The following INTS3 variants were observed in gnomAD, a reference collection of about 807,000 sequenced individuals.
INTS3 encodes the protein SOSS complex subunit A.
Under a neutral mutation model 146.3 loss-of-function variants are expected in INTS3, and 34 were observed. The observed-to-expected ratio is 0.23, with a 90% CI of 0.18 to 0.31. INTS3 has a LOEUF of 0.31. INTS3 is among the 10% of genes least tolerant of loss of function. The probability of loss-of-function intolerance (pLI) is 1.00; values close to 1 mark genes in which losing one functional copy is unlikely to be tolerated. For synonymous variants in INTS3, 475 were observed against 494.9 expected, an observed-to-expected ratio of 0.96 and a Z score of 0.53; for missense variants, 757 against 1,304.2, an observed-to-expected ratio of 0.58 and a Z score of 6.46.
intron 1 of INTS3, among the ~76,000 whole-genome samples, chr1:153,731,039 C>G (rs1484130177): frequency 6.6e-6 from 1 of 152,060 alleles, no homozygotes; most frequent in African/African-American, 2.4e-5. Context: ...ACCTATTGCC[C>G]AGGAACACAG....
chr1:153,754,583 T>C, intron 8 of INTS3, 59 bp from the exon 9 acceptor site: 1 of 1,219,392 alleles, frequency 8.2e-7, no homozygotes, highest in Non-Finnish European at 1.2e-6. Flanking sequence ...CCAACATGCC[T>C]TTCATTCTTT....
intron 10 of INTS3, among the ~76,000 whole-genome samples, chr1:153,758,266 A>G (rs1672236136): frequency 6.6e-6 from 1 of 151,812 alleles, no homozygotes; most frequent in Non-Finnish European, 1.5e-5. Context: ...CTGCCCCCTG[A>G]CCTCTTCCAA....
rs1670931372 is a variant in INTS3 at position 153,728,288 on chromosome 1, C to G, written c.-347C>G. On this transcript the variant is annotated 5_prime_UTR_variant, in exon 1 of 30. Transcript: ENST00000318967. ...AAAAGAGGCAGAAACTTAGGGGTTT[C>G]CCTCCTTTCTTAGGGTCAGACGCTC... 7.7e-6 allele frequency: 3 copies of G among 391,334 alleles called. No homozygotes were observed. Among genetic ancestry groups the G allele is most frequent in the Admixed American group, 4.5e-5 (1 of 22,444 alleles). The allele number at this position is 391,334 out of a possible 1,614,324, so 24.2% of individuals were successfully genotyped here. A position where few individuals can be genotyped will look rare whatever the true frequency, so the allele number is the denominator to read the frequency against.
At chr1:153,751,055 C>T (rs745414622) in intron 6 of INTS3, 40 bp from the exon 7 acceptor site, 1 of 1,608,442 alleles carries the variant, frequency 6.2e-7, no homozygotes, top group African/African-American at 1.3e-5. Flanking sequence ...GTGAATAGTT[C>T]TAGACAGAGC....
chr1:153,732,116 T>A (rs1671090687), intron 1 of INTS3, among the ~76,000 whole-genome samples: 1 of 152,008 alleles, frequency 6.6e-6, no homozygotes, highest in South Asian at 2.1e-4. Flanking sequence ...TTGGCCAGGC[T>A]GGTCTCGAAC....
chr1:153,732,517 C>T (rs1671109812), intron 1 of INTS3, among the ~76,000 whole-genome samples: 1 of 151,422 alleles, frequency 6.6e-6, no homozygotes, highest in Non-Finnish European at 1.5e-5. Flanking sequence ...GTGATCTCAG[C>T]TAACTGAAAC....
chr1:153,733,197 CTTTTTTTTTTTTTTTT>C (rs60492889), intron 1 of INTS3, among the ~76,000 whole-genome samples: 3 of 42,758 alleles, frequency 7.0e-5, no homozygotes, highest in African/African-American at 1.7e-4. Context: ...TTACCGAATG[CTTTTTTTTTTTTTTTT>C]TTTTTTTTTT....
At chr1:153,763,173 G>A in intron 15 of INTS3, 60 bp from the exon 16 acceptor site, 1 of 1,607,688 alleles carries the variant, frequency 6.2e-7, no homozygotes, top group South Asian at 1.1e-5. Context: ...TCATTGAGGG[G>A]ACTGTCTCTG....
In INTS3 at chr1:153,760,733, C is replaced by G. The variant is rs1455694033; in HGVS notation, c.1318-94C>G. The G allele has an allele frequency of 7.5e-5, 77 of 1,022,938 alleles. 1 individual carries two copies. In the Admixed American group the frequency reaches 1.3e-3, roughly 17 times the overall value. 63.4% of individuals were successfully genotyped at this position (1,022,938 alleles called of 1,614,324 possible). A position where few individuals can be genotyped will look rare whatever the true frequency, so the allele number is the denominator to read the frequency against. On this transcript the variant is annotated intron_variant, in intron 12 of 29. Coordinates refer to ENST00000318967, the MANE Select transcript of INTS3 (RefSeq NM_023015.5). ...CTGCAGCCATACTCCCCAGTGTCCC[C>G]TGATCAAAACCAAAGCAGCTTTTCA...
At position 153,759,460 on chromosome 1, in the gene INTS3, G is replaced by A. The variant is rs1359977718; in HGVS notation, c.1150-66G>A. 2.8e-6 allele frequency: 3 copies of A among 1,071,146 alleles called. No individual in the cohort carries two copies. The African/African-American group carries it at 4.7e-5, about 17-fold the overall frequency. The allele number at this position is 1,071,146 out of a possible 1,614,324, so 66.4% of individuals were successfully genotyped here. On this transcript the variant is annotated intron_variant, in intron 10 of 29. Coordinates refer to ENST00000318967, the MANE Select transcript of INTS3 (RefSeq NM_023015.5). The stretch of plus-strand genomic sequence containing the variant: ...CCAAGTGGGGCCTGGAATCTGTCTT[G>A]GGACTCTGAAATGGAGGGGGGTGAT...
chr1:153,746,090 CAAA>C (rs940199146), intron 3 of INTS3, among the ~76,000 whole-genome samples: 2 of 152,066 alleles, frequency 1.3e-5, no homozygotes, highest in Non-Finnish European at 2.9e-5. Context: ...ACTAAAAATT[CAAA>C]AAAATATCAG....
At position 153,769,316 on chromosome 1, in the gene INTS3, T is replaced by C. The variant is rs1672721031; in HGVS notation, c.2313+355T>C. Among the ~76,000 whole-genome samples the C allele has an allele frequency of 2.0e-5, 3 of 152,216 alleles. No individual in the cohort carries two copies. In the South Asian group the frequency reaches 6.2e-4, roughly 31 times the overall value. ...CCATTTCTACTTGACCTTTTTACCA[T>C]GCATAAGGTCCCCAAGAGGCTGTAG... On this transcript the variant is annotated intron_variant, in intron 22 of 29. Coordinates refer to ENST00000318967, the MANE Select transcript of INTS3 (RefSeq NM_023015.5).
rs760750849 is a variant in INTS3 at position 153,751,129 on chromosome 1, A to G, written c.619A>G (p.Met207Val). 1 of 1,614,204 alleles carries G rather than the reference A, an allele frequency of 6.2e-7. No homozygotes were observed. The highest frequency in any genetic ancestry group is 8.5e-7 in the Non-Finnish European group (1 of 1,180,036). ...WVLKSSILIA[M>V]AVYTYLRLIV... is the part of the protein sequence containing the mutation. ...CCTGAAGAGCAGCATCCTCATTGCC[A>G]TGGCTGTTTACACGTACCTCCGCCT... The change falls in exon 7 of 30, where the codon ATG becomes GTG. Residue 207 changes from methionine (M) to valine (V), a missense_variant. Physicochemically the swap from Met to Val is conservative, Grantham distance 21 (BLOSUM62 1). Coordinates refer to ENST00000318967, the MANE Select transcript of INTS3 (RefSeq NM_023015.5).
In INTS3 at chr1:153,773,961, C is replaced by G. The variant is rs1017882596; in HGVS notation, c.*691C>G. 6.0e-6 allele frequency: 1 copy of G among 166,002 alleles called. No homozygotes were observed. The highest frequency in any genetic ancestry group is 2.4e-5 in the African/African-American group (1 of 41,170). The allele number at this position is 166,002 out of a possible 1,614,324, so 10.3% of individuals were successfully genotyped here. A position where few individuals can be genotyped will look rare whatever the true frequency, so the allele number is the denominator to read the frequency against. On this transcript the variant is annotated 3_prime_UTR_variant, in exon 30 of 30. Coordinates refer to ENST00000318967, the MANE Select transcript of INTS3 (RefSeq NM_023015.5). Reference sequence around the variant, plus strand: ...CCAGAGGCAAGTTTCACAGAATTGTCAAATGATCCCATTTCCTTGAGTCTG... The same window carrying G: ...CCAGAGGCAAGTTTCACAGAATTGTGAAATGATCCCATTTCCTTGAGTCTG...
rs141117493 is a variant in INTS3, at chr1:153,734,831, A to G, written c.151-5820A>G. Reference sequence around the variant, plus strand: ...AGCTTTTTAGCCTGGTCAGGAATTTATTCATGTCCTGTGGTAGGAGTTTTC... The same window carrying G: ...AGCTTTTTAGCCTGGTCAGGAATTTGTTCATGTCCTGTGGTAGGAGTTTTC... On this transcript the variant is annotated intron_variant, in intron 1 of 29. Coordinates refer to ENST00000318967, the MANE Select transcript of INTS3 (RefSeq NM_023015.5). Among the ~76,000 whole-genome samples the G allele has an allele frequency of 9.7e-4, 148 of 152,298 alleles. 1 individual carries two copies. The highest frequency in any genetic ancestry group is 7.5e-3 in the Admixed American group (115 of 15,290).
chr1:153,728,791 G>GTT lies in INTS3; in HGVS notation c.150+8_150+9insTT. On this transcript the variant is annotated splice_region_variant and intron_variant, in intron 1 of 29. Transcript: ENST00000318967. The stretch of plus-strand genomic sequence containing the variant: ...CAAGGATGAGTTAGAGGAGGTAGGT[G>GTT]TGGGGGGAGGGAAGGGAGTTAAGAA... The GTT allele has an allele frequency of 6.3e-7, 1 of 1,593,212 alleles. No homozygotes were observed. Among genetic ancestry groups the GTT allele is most frequent in the Non-Finnish European group, 8.5e-7 (1 of 1,169,780 alleles).
intron 10 of INTS3, among the ~76,000 whole-genome samples, chr1:153,759,260 C>T (rs1288468789): frequency 2.1e-5 from 3 of 145,488 alleles, no homozygotes; most frequent in Non-Finnish European, 3.0e-5. Context: ...GGCAACAGAG[C>T]AAGACCCTGT....
chr1:153,755,211 C>G (rs2101808714), intron 9 of INTS3, among the ~76,000 whole-genome samples: 1 of 152,144 alleles, frequency 6.6e-6, no homozygotes, highest in Non-Finnish European at 1.5e-5. Context: ...CTTCCTGGAT[C>G]CCACTCTCCT....
chr1:153,764,772 C>T, intron 19 of INTS3, 38 bp downstream of exon 19: 2 of 1,564,726 alleles, frequency 1.3e-6, no homozygotes, highest in Non-Finnish European at 1.8e-6. Context: ...TTCTACCCTC[C>T]ATCCTCCCTG....
Sources: allele counts gnomAD v4.1 joint callset (sites outside exome capture counted in the v4.1 genomes callset), GRCh38; gene constraint gnomAD v4.1.1; transcripts MANE v1.5; gene names NCBI Gene and HGNC (gene_info 2026-07-23, HGNC 2026-07-21).